Variants in MAD1L1 observed in about 807,000 individuals in gnomAD.
MAD1L1 encodes mitotic arrest deficient 1 like 1.
In MAD1L1, 95 loss-of-function variants were observed where a neutral mutation model predicts 96.9. The ratio of observed to expected loss-of-function variants is 0.98; its 90% CI spans 0.83 to 1.16. The LOEUF is 1.16. Among genes scored for constraint, MAD1L1 ranks in the 50% most tolerant of loss-of-function variants. The probability of loss-of-function intolerance (pLI) is 0.00; values close to 1 mark genes in which losing one functional copy is unlikely to be tolerated. For missense variants in MAD1L1, 1,007 were observed against 954.4 expected (o/e 1.06, Z -0.73); for synonymous variants, 473 against 396.6 (o/e 1.19, Z -2.29).
intron 12 of MAD1L1, among the ~76,000 whole-genome samples, chr7:2,066,309 G>A (rs1025908161): frequency 4.6e-5 from 7 of 152,298 alleles, no homozygotes; most frequent in East Asian, 1.9e-4. Context: ...GGCACTGGCC[G>A]ACACCAAGGC....
At chr7:2,112,787 T>C (rs961440311) in intron 11 of MAD1L1, among the ~76,000 whole-genome samples, 2 of 150,002 alleles carry the variant, frequency 1.3e-5, no homozygotes, top group Non-Finnish European at 3.0e-5. Flanking sequence ...CAGGGCTCAC[T>C]GGGAAAGTGG....
At position 2,046,307 on chromosome 7, in the gene MAD1L1, TAC is replaced by T. The variant is rs372684106; in HGVS notation, c.1218+22885_1218+22886del. Among the ~76,000 whole-genome samples the T allele has an allele frequency of 2.1e-4, 32 of 152,134 alleles. No individual in the cohort carries two copies. In the East Asian group the frequency reaches 3.7e-3, roughly 18 times the overall value. On this transcript the variant is annotated intron_variant, in intron 12 of 18. Transcript: ENST00000265854. ...GATCGCCTTTCAATGTGCACAGAAA[TAC>T]AAGACCCCTTTCAGCCACCAAAGGC...
intron 11 of MAD1L1, among the ~76,000 whole-genome samples, chr7:2,107,116 G>A (rs3800904): frequency 0.11 from 16,828 of 152,250 alleles, 2,151 homozygotes; most frequent in African/African-American, 0.31. Context: ...GGATGGCAGC[G>A]CACCGGGAGG....
chr7:2,180,184 G>A (rs568568595), intron 10 of MAD1L1, among the ~76,000 whole-genome samples: 3 of 152,238 alleles, frequency 2.0e-5, no homozygotes, highest in African/African-American at 7.2e-5. Context: ...AGATTCTAAG[G>A]GGCCATGTCC....
chr7:2,171,446 C>G (rs1489457304), intron 10 of MAD1L1, among the ~76,000 whole-genome samples: 1 of 152,210 alleles, frequency 6.6e-6, no homozygotes, highest in Admixed American at 6.5e-5. Flanking sequence ...ACAGCAGGGC[C>G]ACGTATGGGT....
At chr7:1,933,200 C>A (rs1189340675) in intron 17 of MAD1L1, among the ~76,000 whole-genome samples, 1 of 152,180 alleles carries the variant, frequency 6.6e-6, no homozygotes, top group African/African-American at 2.4e-5. Context: ...GGTATCAGCT[C>A]CTCACTAGGG....
chr7:1,962,216 A>G (rs1437188712), intron 15 of MAD1L1, among the ~76,000 whole-genome samples: 1 of 152,260 alleles, frequency 6.6e-6, no homozygotes, highest in East Asian at 1.9e-4. Flanking sequence ...TAAGTCTCAC[A>G]AGATCTGATT....
chr7:2,010,015 G>C (rs1362891002), intron 13 of MAD1L1, among the ~76,000 whole-genome samples: 1 of 151,754 alleles, frequency 6.6e-6, no homozygotes, highest in Non-Finnish European at 1.5e-5. Flanking sequence ...CAGACTCCAG[G>C]GTGGTTTCCA....
chr7:2,046,936 C>G (rs556190159), intron 12 of MAD1L1, among the ~76,000 whole-genome samples: 1 of 152,356 alleles, frequency 6.6e-6, no homozygotes, highest in Admixed American at 6.5e-5. Flanking sequence ...GCACACAACA[C>G]CCCCTGGGCT....
intron 12 of MAD1L1, among the ~76,000 whole-genome samples, chr7:2,060,893 C>A (rs1784633329): frequency 6.6e-6 from 1 of 152,238 alleles, no homozygotes; most frequent in South Asian, 2.1e-4. Flanking sequence ...CAGCAAACGT[C>A]GGTGAGCTGG....
chr7:1,988,052 T>C lies in MAD1L1; in HGVS notation c.1417-7511A>G, dbSNP rs116966153. 0.012 allele frequency among the ~76,000 whole-genome samples: 1,832 copies of C among 152,000 alleles called. 156 individuals carry two copies. The East Asian group carries it at 0.24, about 20-fold the overall frequency. On this transcript the variant is annotated intron_variant, in intron 14 of 18. Transcript: ENST00000265854. The stretch of plus-strand genomic sequence containing the variant: ...CCTACTCACACCCGGGGCAGGCCCA[T>C]GAGAGGCGAGGAGCGGCAGGAGGCC...
intron 3 of MAD1L1, among the ~76,000 whole-genome samples, chr7:2,226,004 G>C (rs1473962475): frequency 6.6e-6 from 1 of 152,146 alleles, no homozygotes; most frequent in Admixed American, 6.5e-5. Flanking sequence ...CAACTCCTAG[G>C]TGCTGCCCAC....
intron 17 of MAD1L1, among the ~76,000 whole-genome samples, 175 bp from the exon 18 acceptor site, chr7:1,898,565 GGAGT>G (rs1787043437): frequency 1.3e-5 from 2 of 152,180 alleles, no homozygotes; most frequent in African/African-American, 4.8e-5. Flanking sequence ...TGAGGGAACG[GGAGT>G]GAGGGGTGAG....
At chr7:1,852,894 G>A (rs1784051559) in intron 18 of MAD1L1, among the ~76,000 whole-genome samples, 1 of 152,066 alleles carries the variant, frequency 6.6e-6, no homozygotes, top group Non-Finnish European at 1.5e-5. Flanking sequence ...CTCCGAGGAC[G>A]GGCCGCTGTC....
intron 11 of MAD1L1, among the ~76,000 whole-genome samples, chr7:2,074,890 C>T (rs960834727): frequency 2.6e-5 from 4 of 152,152 alleles, no homozygotes; most frequent in Non-Finnish European, 5.9e-5. Context: ...CAGAGACAGG[C>T]GGTGTCAGAG....
At chr7:1,825,890 T>A (rs189788486) in intron 18 of MAD1L1, among the ~76,000 whole-genome samples, 110 of 151,356 alleles carry the variant, frequency 7.3e-4, no homozygotes, top group Non-Finnish European at 1.3e-3. Context: ...ATGAGCACAG[T>A]CCCAGCCCCA....
intron 17 of MAD1L1, among the ~76,000 whole-genome samples, chr7:1,935,940 C>A (rs1778569701): frequency 6.6e-6 from 1 of 152,236 alleles, no homozygotes; most frequent in South Asian, 2.1e-4. Flanking sequence ...GGAACCCTCC[C>A]CCAGGTCCCC....
At chr7:1,833,707 G>A (rs10237989) in intron 18 of MAD1L1, among the ~76,000 whole-genome samples, 56,347 of 152,090 alleles carry the variant, frequency 0.37, 10,653 homozygotes, top group Admixed American at 0.45. Context: ...TTGGGAGGCC[G>A]AGGCAGGTGG....
chr7:1,895,930 G>C (rs992472383), intron 18 of MAD1L1, among the ~76,000 whole-genome samples: 3 of 152,260 alleles, frequency 2.0e-5, no homozygotes, highest in Admixed American at 2.0e-4. Flanking sequence ...GGGCGGCCTG[G>C]GGAGGCGCCA....
Sources: allele counts gnomAD v4.1 joint callset (sites outside exome capture counted in the v4.1 genomes callset), GRCh38; gene constraint gnomAD v4.1.1; transcripts MANE v1.5; gene names NCBI Gene and HGNC (gene_info 2026-07-23, HGNC 2026-07-21).